Variants in VWA1 observed in about 807,000 individuals in gnomAD.
VWA1 encodes the protein von Willebrand factor A domain-containing protein 1.
In VWA1, 12 loss-of-function variants were observed where a neutral mutation model predicts 14.9. The ratio of observed to expected loss-of-function variants is 0.80; its 90% CI spans 0.52 to 1.30. The LOEUF (loss-of-function observed/expected upper bound fraction) is 1.30, where lower values mean the gene tolerates loss of function less well. VWA1 is among the 50% of genes most tolerant of loss of function. The probability of loss-of-function intolerance (pLI) is 0.00; values close to 1 mark genes in which losing one functional copy is unlikely to be tolerated. For synonymous variants in VWA1, 368 were observed against 310.7 expected (o/e 1.18, Z -1.94); for missense variants, 800 against 649.1 (o/e 1.23, Z -2.53).
chr1:1,437,538 G>C, intron 2 of VWA1, 54 bp downstream of exon 2: 1 of 1,550,896 alleles, frequency 6.4e-7, no homozygotes. Context: ...CGCAGAAGGA[G>C]AGGCTGGGTT....
chr1:1,441,261 CTG>C lies in VWA1; in HGVS notation c.*1477_*1478del, dbSNP rs1239729998. On this transcript the variant is annotated 3_prime_UTR_variant, in exon 3 of 3. Transcript: ENST00000476993. ...GGCACCGTCTCCCAAGAACCCAGCT[CTG>C]TGCATCCCGTGGCCCCACCAGAAAC... The C allele has an allele frequency of 6.6e-6, 1 of 152,260 alleles. No homozygotes were observed. Among genetic ancestry groups the C allele is most frequent in the Admixed American group, 6.5e-5 (1 of 15,288 alleles). The allele number at this position is 152,260 out of a possible 1,614,324, so 9.4% of individuals were successfully genotyped here.
chr1:1,439,353 C>G lies in VWA1; in HGVS notation c.904C>G (p.Arg302Gly). 1 of 1,550,128 alleles carries G rather than the reference C, an allele frequency of 6.5e-7. No homozygotes were observed. Among genetic ancestry groups the G allele is most frequent in the South Asian group, 1.2e-5 (1 of 85,212 alleles). Residue 302 changes from arginine (R) to glycine (G), a missense_variant, in exon 3 of 3, where the codon CGG (arginine) becomes GGG (glycine). Coordinates refer to ENST00000476993, the MANE Select transcript of VWA1 (RefSeq NM_022834.5). ...LRPQILRVRT[R>G]PGEAGPGASG... ...GCCCCAGATCCTGCGGGTGCGCACG[C>G]GGCCCGGTGAGGCAGGGCCGGGGGC...
chr1:1,438,924 C>G (rs1241055713), intron 2 of VWA1, among the ~76,000 whole-genome samples, 157 bp from the exon 3 acceptor site: 3 of 152,226 alleles, frequency 2.0e-5, no homozygotes, highest in African/African-American at 7.2e-5. Flanking sequence ...GAATCCCCAG[C>G]ATCTGCGGGG....
At chr1:1,438,840 CA>C (rs542635438) in intron 2 of VWA1, among the ~76,000 whole-genome samples, 181 of 152,354 alleles carry the variant, frequency 1.2e-3, no homozygotes, top group African/African-American at 4.3e-3. Context: ...CTAAGGGAGG[CA>C]GGGGCGCTTC....
chr1:1,435,705 AGCG>A lies in VWA1; in HGVS notation c.-43_-41del. On this transcript the variant is annotated 5_prime_UTR_variant, in exon 1 of 3. Transcript: ENST00000476993. ...CGCGCCCTGCAGCCCCGAGCGAGCG[AGCG>A]AGCGAGCGAGTTGCCGAGCGCGCCC... 1 of 1,167,230 alleles carries A rather than the reference AGCG, an allele frequency of 8.6e-7. No individual in the cohort carries two copies. 72.3% of individuals were successfully genotyped at this position (1,167,230 alleles called of 1,614,324 possible). A position where few individuals can be genotyped will look rare whatever the true frequency, so the allele number is the denominator to read the frequency against.
Position 1,439,759 on chromosome 1 carries a change from C to T in VWA1, c.1310C>T (p.Thr437Ile). The change falls in exon 3 of 3, where the codon ACC becomes ATC. Residue 437 changes from threonine to isoleucine, a missense_variant. Coordinates refer to ENST00000476993, the MANE Select transcript of VWA1 (RefSeq NM_022834.5). ...CCACGCCCCGTGCCCCGCGCCCCGA[C>T]CCCGGGGACCGCCAGCCGTGAGCCG... ...PRPRPVPRAP[T>I]PGTASREP is the part of the protein sequence containing the mutation. 2 of 1,086,578 alleles carry T rather than the reference C, an allele frequency of 1.8e-6. No homozygotes were observed. The highest frequency in any genetic ancestry group is 2.2e-6 in the Non-Finnish European group (2 of 896,108). The allele number at this position is 1,086,578 out of a possible 1,614,324, so 67.3% of individuals were successfully genotyped here.
At chr1:1,437,568 A>C in intron 2 of VWA1, 84 bp downstream of exon 2, 735 of 1,498,916 alleles carry the variant, frequency 4.9e-4, no homozygotes, top group Non-Finnish European at 5.9e-4. Flanking sequence ...GGAAGATCTC[A>C]TGTCCCCAGA....
At chr1:1,438,992 T>A in intron 2 of VWA1, 89 bp from the exon 3 acceptor site, 4 of 1,463,162 alleles carry the variant, frequency 2.7e-6, no homozygotes, top group Non-Finnish European at 3.6e-6. Context: ...GGGCCTCCAA[T>A]CTCCAGATCT....
In VWA1 at chr1:1,442,133, C is replaced by G. The variant is rs1638681879; in HGVS notation, c.*2346C>G. ...CACCAAGTCTCAGAACAGCTCTGGC[C>G]CCGGAGTGCTCCGTCCAGGCCGCTG... On this transcript the variant is annotated 3_prime_UTR_variant, in exon 3 of 3. Coordinates refer to ENST00000476993, the MANE Select transcript of VWA1 (RefSeq NM_022834.5). The G allele has an allele frequency of 6.6e-6, 1 of 152,350 alleles. No individual in the cohort carries two copies. The highest frequency in any genetic ancestry group is 2.4e-5 in the African/African-American group (1 of 41,462). The allele number at this position is 152,350 out of a possible 1,614,324, so 9.4% of individuals were successfully genotyped here.
In VWA1 at chr1:1,441,605, C is replaced by G. The variant is rs1024925358; in HGVS notation, c.*1818C>G. The G allele has an allele frequency of 6.6e-6, 1 of 152,426 alleles. No homozygotes were observed. Among genetic ancestry groups the G allele is most frequent in the Admixed American group, 6.5e-5 (1 of 15,280 alleles). 9.4% of individuals were successfully genotyped at this position (152,426 alleles called of 1,614,324 possible). On this transcript the variant is annotated 3_prime_UTR_variant, in exon 3 of 3. Transcript: ENST00000476993. ...TGGCCAGGGTTGCAGGCCCGGGCCT[C>G]GGGCCCCACCTCCTCTGGAGGGGTA...
In VWA1 at chr1:1,437,234, A is replaced by C. The variant is rs146074309; in HGVS notation, c.381A>C (p.Glu127Asp). Residue 127 changes from glutamate to aspartate, a missense_variant, in exon 2 of 3, where the codon GAA (glutamate) becomes GAC (aspartate). By Grantham distance (45) the Glu-to-Asp change is conservative (BLOSUM62 2). Coordinates refer to ENST00000476993, the MANE Select transcript of VWA1 (RefSeq NM_022834.5). The stretch of plus-strand genomic sequence containing the variant: ...ATGCCAAGGAACAGCTGTTTGCTGA[A>C]GCATCAGGTGCCCGGCCAGGGGTGC... ...LVYAKEQLFA[E>D]ASGARPGVPK... The C allele has an allele frequency of 1.2e-6, 2 of 1,611,490 alleles. No homozygotes were observed. Among genetic ancestry groups the C allele is most frequent in the Non-Finnish European group, 1.7e-6 (2 of 1,179,438 alleles).
rs1557769850 is a variant in VWA1 at position 1,438,577 on chromosome 1, G to A, written c.632-504G>A. Among the ~76,000 whole-genome samples, 5 of 152,268 alleles carry A rather than the reference G, an allele frequency of 3.3e-5. No individual in the cohort carries two copies. In the South Asian group the frequency reaches 1.0e-3, roughly 32 times the overall value. On this transcript the variant is annotated intron_variant, in intron 2 of 2. Coordinates refer to ENST00000476993, the MANE Select transcript of VWA1 (RefSeq NM_022834.5). Reference sequence around the variant, plus strand: ...ACAGGTCCAGGAGTCCCCCTCTGGAGAACCCCACCCCACACTCTCCTGGGG... The same window carrying A: ...ACAGGTCCAGGAGTCCCCCTCTGGAAAACCCCACCCCACACTCTCCTGGGG...
chr1:1,439,374 GGGGCTTC>G lies in VWA1; in HGVS notation c.930_936del (p.Ser311ArgfsTer38). ...CACGCGGCCCGGTGAGGCAGGGCCG[GGGGCTTC>G]GGGCCCGGAGTCGGGGGCTGGGCCG... is the stretch of plus-strand genomic sequence containing the variant. On this transcript the variant is annotated frameshift_variant, in exon 3 of 3. Transcript: ENST00000476993. LOFTEE classifies it low-confidence loss of function (END_TRUNC). The G allele has an allele frequency of 6.6e-7, 1 of 1,507,662 alleles. No homozygotes were observed. The highest frequency in any genetic ancestry group is 1.2e-5 in the South Asian group (1 of 80,706). The allele number at this position is 1,507,662 out of a possible 1,614,324, so 93.4% of individuals were successfully genotyped here. A position where few individuals can be genotyped will look rare whatever the true frequency, so the allele number is the denominator to read the frequency against.
intron 1 of VWA1, 28 bp downstream of exon 1, chr1:1,435,849 G>C: frequency 8.9e-7 from 1 of 1,119,382 alleles, no homozygotes; most frequent in Non-Finnish European, 1.1e-6. Flanking sequence ...CCGGGCCGGG[G>C]CTGGGGCTTC....
Position 1,439,941 on chromosome 1 carries a change from C to T in VWA1, c.*154C>T. On this transcript the variant is annotated 3_prime_UTR_variant, in exon 3 of 3. Transcript: ENST00000476993. The stretch of plus-strand genomic sequence containing the variant: ...GACCCCGGCCCTCTCCCTGCGGCCG[C>T]AGGGCTTCCCCGCCTGGCGCCTGCC... 1.1e-6 allele frequency: 1 copy of T among 919,572 alleles called. No homozygotes were observed. Among genetic ancestry groups the T allele is most frequent in the South Asian group, 5.2e-5 (1 of 19,316 alleles). 57.0% of individuals were successfully genotyped at this position (919,572 alleles called of 1,614,324 possible).
chr1:1,438,997 A>G, intron 2 of VWA1, 84 bp from the exon 3 acceptor site: 3 of 1,481,996 alleles, frequency 2.0e-6, no homozygotes, highest in Non-Finnish European at 2.7e-6. Flanking sequence ...TCCAATCTCC[A>G]GATCTTCCCC....
At chr1:1,437,527 C>A (rs1263332551) in intron 2 of VWA1, 43 bp downstream of exon 2, 1 of 1,561,540 alleles carries the variant, frequency 6.4e-7, no homozygotes, top group South Asian at 1.2e-5. Context: ...TAGCTGGGAG[C>A]CGCAGAAGGA....
chr1:1,437,643 C>T (rs533244699), intron 2 of VWA1, among the ~76,000 whole-genome samples, 159 bp downstream of exon 2: 1 of 152,290 alleles, frequency 6.6e-6, no homozygotes, highest in African/African-American at 2.4e-5. Context: ...TGCAGCTTGT[C>T]TATGCACACT....
chr1:1,438,536 T>C (rs1638592357), intron 2 of VWA1, among the ~76,000 whole-genome samples: 1 of 152,170 alleles, frequency 6.6e-6, no homozygotes, highest in South Asian at 2.1e-4. Flanking sequence ...CAGAGGGCTA[T>C]GTGGGGCTTG....
Sources: gnomAD v4.1 joint callset for allele counts (sites outside exome capture counted in the v4.1 genomes callset) on GRCh38, gnomAD v4.1.1 for gene constraint, MANE v1.5 for transcripts, NCBI Gene and HGNC (gene_info 2026-07-23, HGNC 2026-07-21) for gene names.